Variants in CELF2 observed in about 807,000 individuals in gnomAD.
CELF2 encodes CUGBP Elav-like family member 2.
Under a neutral mutation model 62.6 loss-of-function variants are expected in CELF2, and 8 were observed. That is an observed-to-expected ratio of 0.13 (90% CI 0.07 to 0.23). CELF2 has a LOEUF of 0.23. Ranked by LOEUF, CELF2 falls within the 10% of genes least tolerant of loss-of-function variation. CELF2 has a pLI of 1.00. For missense variants in CELF2, 333 were observed against 671.0 expected, an observed-to-expected ratio of 0.50 and a Z score of 5.56; for synonymous variants, 258 against 250.0, an observed-to-expected ratio of 1.03 and a Z score of -0.30.
At chr10:11,106,143 T>A (rs1261699123) in intron 1 of CELF2, among the ~76,000 whole-genome samples, 1 of 152,156 alleles carries the variant, frequency 6.6e-6, no homozygotes, top group African/African-American at 2.4e-5. Context: ...CAGACAAGCT[T>A]AAGGCAGAAA....
chr10:10,689,150 G>C, the CELF2 span, among the ~76,000 whole-genome samples: 1 of 152,154 alleles, frequency 6.6e-6, no homozygotes, highest in South Asian at 2.1e-4. Flanking sequence ...AACTTATGAA[G>C]AAGAGAGGTT....
the CELF2 span, among the ~76,000 whole-genome samples, chr10:10,691,931 C>T: frequency 2.7e-5 from 4 of 149,780 alleles, no homozygotes; most frequent in South Asian, 2.1e-4. Context: ...GAGTAGGTTG[C>T]GAAAATTTTC....
chr10:10,868,634 C>G (rs1401520887), intron 1 of CELF2, among the ~76,000 whole-genome samples: 1 of 152,202 alleles, frequency 6.6e-6, no homozygotes, highest in Non-Finnish European at 1.5e-5. Context: ...TCTTTGGGGT[C>G]TACCATCTGC....
intron 2 of CELF2, among the ~76,000 whole-genome samples, chr10:10,989,783 A>G (rs976307079): frequency 6.6e-6 from 1 of 152,126 alleles, no homozygotes; most frequent in African/African-American, 2.4e-5. Flanking sequence ...TAAATATAGA[A>G]CAGTTTCAAC....
intron 1 of CELF2, among the ~76,000 whole-genome samples, chr10:11,020,300 A>G (rs562947465): frequency 6.6e-6 from 1 of 152,340 alleles, no homozygotes; most frequent in African/African-American, 2.4e-5. Flanking sequence ...GGATTTGTAA[A>G]TGATAGTTTT....
the CELF2 span, among the ~76,000 whole-genome samples, chr10:10,683,922 C>A: frequency 6.6e-6 from 1 of 152,136 alleles, no homozygotes; most frequent in Non-Finnish European, 1.5e-5. Flanking sequence ...TCTGGATTTT[C>A]TATTCTCCTT....
chr10:10,589,716 CT>C, the CELF2 span, among the ~76,000 whole-genome samples: 2 of 152,204 alleles, frequency 1.3e-5, no homozygotes, highest in Non-Finnish European at 2.9e-5. Context: ...ACGTGAGTCA[CT>C]GTCTTCACTG....
At position 11,321,334 on chromosome 10, in the gene CELF2, G is replaced by T. The variant is rs749204563; in HGVS notation, c.1242G>T (p.Leu414=). Reference sequence around the variant, plus strand: ...ACGCAGCCGCCGCGCTGCCCACTCTGTACAGCCAGAGCCTGCTGCAGCAGC... The same window carrying T: ...ACGCAGCCGCCGCGCTGCCCACTCTTTACAGCCAGAGCCTGCTGCAGCAGC... ...QQYAAAALPT[L]YSQSLLQQQS... The change falls in exon 11 of 13, where the codon CTG becomes CTT. Residue 414 remains leucine, a synonymous_variant. Transcript: ENST00000633077. This position sits in a 1 kb window ranked among gnomAD's most constrained non-coding sequence, Gnocchi z 6.2. The T allele has an allele frequency of 6.2e-7, 1 of 1,611,956 alleles. No homozygotes were observed. Among genetic ancestry groups the T allele is most frequent in the African/African-American group, 1.3e-5 (1 of 75,056 alleles).
At chr10:10,723,091 T>C in the CELF2 span, among the ~76,000 whole-genome samples, 2 of 152,230 alleles carry the variant, frequency 1.3e-5, no homozygotes, top group East Asian at 3.8e-4. Flanking sequence ...TTTTAATTCA[T>C]GGTATCTATG....
rs2061521285 is a variant in CELF2 at position 11,039,810 on chromosome 10, T to C, written c.74+21647T>C. Among the ~76,000 whole-genome samples the C allele has an allele frequency of 6.6e-6, 1 of 152,224 alleles. No individual in the cohort carries two copies. On this transcript the variant is annotated intron_variant, in intron 1 of 12. Transcript: ENST00000633077. This position sits in a 1 kb window ranked among gnomAD's most constrained non-coding sequence, Gnocchi z 4.1. The stretch of plus-strand genomic sequence containing the variant: ...ATTCCATTGCCACTGGAGGAAACCA[T>C]GGACCAGAGTAACCTAAAGATGCAT...
intron 2 of CELF2, among the ~76,000 whole-genome samples, chr10:11,188,140 T>C (rs753392709): frequency 5.3e-5 from 8 of 152,234 alleles, no homozygotes; most frequent in Non-Finnish European, 1.2e-4. Context: ...AGTTTCGCTC[T>C]TGTTGCCCAG....
the CELF2 span, among the ~76,000 whole-genome samples, chr10:10,678,853 G>T: frequency 7.2e-5 from 11 of 152,156 alleles, no homozygotes; most frequent in Non-Finnish European, 1.2e-4. Flanking sequence ...CATTTAACCT[G>T]CACAAATGGG....
At chr10:11,021,356 C>G (rs2058289286) in intron 1 of CELF2, among the ~76,000 whole-genome samples, 1 of 152,108 alleles carries the variant, frequency 6.6e-6, no homozygotes, top group Non-Finnish European at 1.5e-5. Context: ...GCTTAATGAA[C>G]TAGCTTTTTG....
At chr10:10,956,629 C>G (rs564846736) in intron 2 of CELF2, among the ~76,000 whole-genome samples, 1 of 152,174 alleles carries the variant, frequency 6.6e-6, no homozygotes, top group African/African-American at 2.4e-5. Flanking sequence ...CAAAGGGACC[C>G]GCAAAAGTGG....
the CELF2 span, among the ~76,000 whole-genome samples, chr10:10,745,684 T>G: frequency 2.0e-5 from 3 of 152,172 alleles, no homozygotes; most frequent in Admixed American, 6.5e-5. Flanking sequence ...GGTGATGGAT[T>G]TTTTCCTGCC....
At chr10:10,710,621 T>C in the CELF2 span, among the ~76,000 whole-genome samples, 1 of 143,680 alleles carries the variant, frequency 7.0e-6, no homozygotes, top group East Asian at 1.9e-4. Context: ...TGAAATCTGA[T>C]TTTTTTTTTC....
At chr10:10,581,962 A>G in the CELF2 span, among the ~76,000 whole-genome samples, 59 of 152,250 alleles carry the variant, frequency 3.9e-4, no homozygotes, top group East Asian at 0.011. Context: ...CAGGAGGCAC[A>G]GGTTGCAGTG....
intron 1 of CELF2, chr10:11,018,749 C>G (rs1486917835): frequency 6.5e-6 from 1 of 152,790 alleles, no homozygotes; most frequent in African/African-American, 2.4e-5. Context: ...CGAGTGTGCA[C>G]GCTTGTGTCA....
Position 11,207,227 on chromosome 10 carries a change from G to T in CELF2, c.272-10198G>T, listed in dbSNP as rs2060636569. 6.6e-6 allele frequency among the ~76,000 whole-genome samples: 1 copy of T among 152,222 alleles called. No individual in the cohort carries two copies. Among genetic ancestry groups the T allele is most frequent in the Non-Finnish European group, 1.5e-5 (1 of 68,036 alleles). ...TTGCTTTCCCAAGAGGCTTGAAAAT[G>T]CAGTCGATTTAATCTAGGTCAAAAG... On this transcript the variant is annotated intron_variant, in intron 2 of 12. Coordinates refer to ENST00000633077, the MANE Select transcript of CELF2 (RefSeq NM_001326342.2). This position sits in a 1 kb window ranked among gnomAD's most constrained non-coding sequence, Gnocchi z 4.1.
Sources: gnomAD v4.1 joint callset for allele counts (sites outside exome capture counted in the v4.1 genomes callset) on GRCh38, gnomAD v4.1.1 for gene constraint, Gnocchi (gnomAD v3.1) non-coding constraint, MANE v1.5 for transcripts, NCBI Gene and HGNC (gene_info 2026-07-23, HGNC 2026-07-21) for gene names.